The following DPYD variants were observed in gnomAD, a reference collection of about 807,000 sequenced individuals.
The protein encoded by DPYD is dihydropyrimidine dehydrogenase.
DPYD carries 109 observed loss-of-function variants against 116.2 expected under a neutral mutation model. That is an observed-to-expected ratio of 0.94 (90% CI 0.80 to 1.10). DPYD has a LOEUF of 1.10. DPYD is among the 50% of genes least tolerant of loss of function. The pLI is 0.00. For missense variants in DPYD, 1,302 were observed against 1,254.5 expected (o/e 1.04, Z -0.57); for synonymous variants, 440 against 432.0 (o/e 1.02, Z -0.23).
chr1:97,746,375 A>G (rs1324642684), intron 3 of DPYD, among the ~76,000 whole-genome samples: 1 of 152,152 alleles, frequency 6.6e-6, no homozygotes, highest in Non-Finnish European at 1.5e-5. Context: ...AATCCTCAAT[A>G]GCATAAGAAA....
At chr1:97,394,601 T>A (rs1401525247) in intron 14 of DPYD, among the ~76,000 whole-genome samples, 1 of 152,060 alleles carries the variant, frequency 6.6e-6, no homozygotes, top group Non-Finnish European at 1.5e-5. Flanking sequence ...TTTGAAATAT[T>A]GCAAGAATTA....
intron 5 of DPYD, among the ~76,000 whole-genome samples, chr1:97,714,260 C>A (rs2101009021): frequency 6.6e-6 from 1 of 152,170 alleles, no homozygotes; most frequent in Non-Finnish European, 1.5e-5. Context: ...TGTCGCCAGG[C>A]TGGTGTGTAG....
At chr1:97,758,457 A>G (rs1665384649) in intron 3 of DPYD, among the ~76,000 whole-genome samples, 1 of 152,202 alleles carries the variant, frequency 6.6e-6, no homozygotes, top group African/African-American at 2.4e-5. Context: ...TAATCTTTCA[A>G]TAAGAACATA....
At chr1:97,494,794 A>T (rs957617120) in intron 13 of DPYD, among the ~76,000 whole-genome samples, 1 of 151,880 alleles carries the variant, frequency 6.6e-6, no homozygotes, top group Non-Finnish European at 1.5e-5. Context: ...ACACACACAC[A>T]TAATTTTAAG....
At chr1:97,280,877 G>A (rs747114317) in intron 18 of DPYD, among the ~76,000 whole-genome samples, 3 of 152,056 alleles carry the variant, frequency 2.0e-5, no homozygotes, top group Non-Finnish European at 4.4e-5. Context: ...AAGATACCTC[G>A]AAGATTTTAA....
chr1:97,258,785 T>C (rs1308816295), intron 18 of DPYD, among the ~76,000 whole-genome samples: 4 of 152,114 alleles, frequency 2.6e-5, no homozygotes, highest in African/African-American at 9.7e-5. Context: ...TATATGATGG[T>C]GGTGTTGCAT....
At chr1:97,442,515 T>C (rs971385063) in intron 14 of DPYD, among the ~76,000 whole-genome samples, 1 of 151,978 alleles carries the variant, frequency 6.6e-6, no homozygotes, top group Non-Finnish European at 1.5e-5. Context: ...AAATTAAATA[T>C]ATTTTATTTT....
At chr1:97,801,273 G>T (rs1029553451) in intron 3 of DPYD, among the ~76,000 whole-genome samples, 1 of 151,842 alleles carries the variant, frequency 6.6e-6, no homozygotes, top group Admixed American at 6.6e-5. Context: ...ACCTCTACTG[G>T]CTCCTTGATC....
chr1:97,421,070 G>A (rs1021052970), intron 14 of DPYD, among the ~76,000 whole-genome samples: 21 of 151,940 alleles, frequency 1.4e-4, no homozygotes, highest in African/African-American at 2.7e-4. Context: ...GATGTCTTAC[G>A]GCCTATATAT....
chr1:97,374,184 CA>C (rs1671464387), intron 15 of DPYD, among the ~76,000 whole-genome samples: 1 of 152,068 alleles, frequency 6.6e-6, no homozygotes, highest in Non-Finnish European at 1.5e-5. Flanking sequence ...ATGTTTTTAA[CA>C]GAAAATCAAC....
chr1:97,663,650 C>T (rs987502419), intron 8 of DPYD, among the ~76,000 whole-genome samples: 3 of 152,176 alleles, frequency 2.0e-5, no homozygotes, highest in African/African-American at 7.2e-5. Flanking sequence ...CAAAATCCTT[C>T]ATTTTCCACA....
intron 14 of DPYD, among the ~76,000 whole-genome samples, chr1:97,398,679 C>T (rs561672022): frequency 3.3e-5 from 5 of 152,164 alleles, no homozygotes; most frequent in African/African-American, 1.2e-4. Flanking sequence ...TTTTGATTTG[C>T]ATTTCTCTGA....
At chr1:97,358,163 T>C (rs1670518041) in intron 16 of DPYD, among the ~76,000 whole-genome samples, 1 of 152,208 alleles carries the variant, frequency 6.6e-6, no homozygotes, top group South Asian at 2.1e-4. Flanking sequence ...TGCGCCTGGC[T>C]CAGTGGATTC....
At chr1:97,780,487 CAA>C (rs1321048752) in intron 3 of DPYD, among the ~76,000 whole-genome samples, 6 of 152,164 alleles carry the variant, frequency 3.9e-5, no homozygotes, top group Admixed American at 3.9e-4. Context: ...AAGTTTTAAT[CAA>C]GAGAGTTCTT....
intron 10 of DPYD, among the ~76,000 whole-genome samples, chr1:97,584,199 G>A (rs1262771417): frequency 7.2e-5 from 11 of 152,082 alleles, no homozygotes; most frequent in African/African-American, 1.2e-4. Context: ...TTTTTTGGCC[G>A]CATAAATGTC....
intron 19 of DPYD, among the ~76,000 whole-genome samples, chr1:97,205,077 C>T (rs1418988327): frequency 6.6e-6 from 1 of 152,006 alleles, no homozygotes; most frequent in Non-Finnish European, 1.5e-5. Context: ...CCACACCACC[C>T]CCAAACTCGG....
intron 20 of DPYD, among the ~76,000 whole-genome samples, chr1:97,151,123 T>C (rs1253714164): frequency 6.6e-6 from 1 of 152,210 alleles, no homozygotes; most frequent in Non-Finnish European, 1.5e-5. Flanking sequence ...TGAGAAATCA[T>C]TACCTTCTCG....
chr1:97,613,983 T>C (rs1293729369), intron 8 of DPYD, among the ~76,000 whole-genome samples: 1 of 152,074 alleles, frequency 6.6e-6, no homozygotes, highest in East Asian at 1.9e-4. Flanking sequence ...ATCTTACTTG[T>C]AATCTCAGCA....
intron 2 of DPYD, among the ~76,000 whole-genome samples, chr1:97,832,045 TTGTGTGTGTGTGTGTG>T (rs35795641): frequency 1.6e-4 from 21 of 134,014 alleles, no homozygotes; most frequent in East Asian, 4.7e-4. Context: ...ATATAATGTA[TTGTGTGTGTGTGTGTG>T]TGTGTGTGTG....
Sources: gnomAD v4.1 joint callset for allele counts (sites outside exome capture counted in the v4.1 genomes callset) on GRCh38, gnomAD v4.1.1 for gene constraint, MANE v1.5 for transcripts, NCBI Gene and HGNC (gene_info 2026-07-23, HGNC 2026-07-21) for gene names.